The following FHIT variants were observed in gnomAD, a reference collection of about 807,000 sequenced individuals.
The protein encoded by FHIT is bis(5'-adenosyl)-triphosphatase.
Under a neutral mutation model 17.9 loss-of-function variants are expected in FHIT, and 19 were observed. The observed-to-expected ratio is 1.06, with a 90% confidence interval of 0.74 to 1.56. The LOEUF (loss-of-function observed/expected upper bound fraction) is 1.56, where lower values mean the gene tolerates loss of function less well. FHIT is among the 40% of genes most tolerant of loss of function. The pLI is 0.00. For missense variants in FHIT, 248 were observed against 189.2 expected (o/e 1.31, Z -1.82); for synonymous variants, 81 against 69.7 (o/e 1.16, Z -0.81).
At chr3:61,031,800 C>T (rs367817278) in intron 3 of FHIT, among the ~76,000 whole-genome samples, 1 of 151,956 alleles carries the variant, frequency 6.6e-6, no homozygotes, top group Non-Finnish European at 1.5e-5. Flanking sequence ...AACAGGCAAC[C>T]CTAAAATGAC....
At chr3:60,126,175 T>C (rs1335440460) in intron 5 of FHIT, among the ~76,000 whole-genome samples, 2 of 152,146 alleles carry the variant, frequency 1.3e-5, no homozygotes, top group Non-Finnish European at 2.9e-5. Context: ...AGTACTCTGT[T>C]TTCCCAAACA....
chr3:60,345,808 C>A (rs1710746653), intron 5 of FHIT, among the ~76,000 whole-genome samples: 1 of 152,126 alleles, frequency 6.6e-6, no homozygotes, highest in African/African-American at 2.4e-5. Context: ...TTTTTGAAAA[C>A]TATGACATGC....
chr3:61,097,268 C>T (rs1397186546), intron 2 of FHIT, among the ~76,000 whole-genome samples: 1 of 151,956 alleles, frequency 6.6e-6, no homozygotes, highest in Non-Finnish European at 1.5e-5. Flanking sequence ...GTCCACTGAG[C>T]GAGAGCCGAA....
At chr3:60,960,886 T>G (rs1377170528) in intron 3 of FHIT, among the ~76,000 whole-genome samples, 1 of 152,230 alleles carries the variant, frequency 6.6e-6, no homozygotes, top group African/African-American at 2.4e-5. Context: ...AGTGCCACAA[T>G]AAACACACGT....
At position 60,895,029 on chromosome 3, in the gene FHIT, C is replaced by T. The variant is rs114119528; in HGVS notation, c.-110-73018G>A. ...GTCCATATTTACTTTTCTTCAATCC[C>T]GAGTGTCCTGTATGGCCACTTTCCT... On this transcript the variant is annotated intron_variant, in intron 3 of 9. Transcript: ENST00000492590. 1.0e-3 allele frequency among the ~76,000 whole-genome samples: 156 copies of T among 152,252 alleles called. 1 individual carries two copies. The highest frequency in any genetic ancestry group is 3.7e-3 in the African/African-American group (152 of 41,546).
intron 5 of FHIT, among the ~76,000 whole-genome samples, chr3:60,090,811 T>C (rs1703699917): frequency 6.6e-6 from 1 of 152,170 alleles, no homozygotes; most frequent in African/African-American, 2.4e-5. Flanking sequence ...TACTACTTCT[T>C]AGAAGCAAAG....
intron 7 of FHIT, among the ~76,000 whole-genome samples, chr3:59,941,609 G>A (rs1405652924): frequency 6.6e-6 from 1 of 152,122 alleles, no homozygotes; most frequent in African/African-American, 2.4e-5. Context: ...GTGGGTCTGT[G>A]TAATCTTTGC....
chr3:60,243,344 AC>A (rs1412956301), intron 5 of FHIT, among the ~76,000 whole-genome samples: 1 of 152,134 alleles, frequency 6.6e-6, no homozygotes, highest in African/African-American at 2.4e-5. Flanking sequence ...AGTGGGGCAA[AC>A]AAAGAAACAA....
intron 5 of FHIT, among the ~76,000 whole-genome samples, chr3:60,182,662 A>G (rs1559706343): frequency 1.3e-5 from 2 of 152,210 alleles, no homozygotes; most frequent in South Asian, 4.1e-4. Flanking sequence ...ACAAACCTGT[A>G]GTCCCAGCTA....
chr3:59,887,508 C>T (rs1703677771), intron 8 of FHIT, among the ~76,000 whole-genome samples: 1 of 152,142 alleles, frequency 6.6e-6, no homozygotes, highest in African/African-American at 2.4e-5. Context: ...TCATGCCATC[C>T]TATTATAATA....
At chr3:60,995,808 T>C (rs2030631375) in intron 3 of FHIT, among the ~76,000 whole-genome samples, 1 of 152,178 alleles carries the variant, frequency 6.6e-6, no homozygotes, top group Non-Finnish European at 1.5e-5. Context: ...AAGAACTGTC[T>C]GGAAAAAGGA....
chr3:60,318,840 C>G (rs78024072), intron 5 of FHIT, among the ~76,000 whole-genome samples: 2 of 152,312 alleles, frequency 1.3e-5, no homozygotes, highest in African/African-American at 4.8e-5. Context: ...GAGCTAAAGT[C>G]AAGTTGTTGG....
intron 2 of FHIT, among the ~76,000 whole-genome samples, chr3:61,047,301 A>G (rs896110636): frequency 4.6e-5 from 7 of 152,244 alleles, no homozygotes; most frequent in Admixed American, 4.6e-4. Context: ...TACAAAATCA[A>G]TGTGCAAAAA....
chr3:60,306,313 A>G (rs1302618088), intron 5 of FHIT, among the ~76,000 whole-genome samples: 8 of 152,174 alleles, frequency 5.3e-5, no homozygotes, highest in Non-Finnish European at 1.2e-4. Context: ...CCCTAAGTCA[A>G]TACATCCCGC....
At chr3:60,150,488 G>T (rs773301828) in intron 5 of FHIT, among the ~76,000 whole-genome samples, 28 of 152,254 alleles carry the variant, frequency 1.8e-4, no homozygotes, top group Middle Eastern at 6.8e-3. Flanking sequence ...TGATACTTAT[G>T]ATTATTATTT....
intron 5 of FHIT, among the ~76,000 whole-genome samples, chr3:60,525,895 G>C (rs1417309909): frequency 1.3e-5 from 2 of 152,008 alleles, no homozygotes; most frequent in Admixed American, 6.6e-5. Context: ...TTGAGCTCAG[G>C]AGTTTGAGAT....
chr3:60,178,564 C>T (rs549971396), intron 5 of FHIT, among the ~76,000 whole-genome samples: 4 of 151,836 alleles, frequency 2.6e-5, no homozygotes, highest in Non-Finnish European at 4.4e-5. Flanking sequence ...CCAGCCTGGA[C>T]GACACAGCAA....
At chr3:59,975,810 G>A (rs212034) in intron 7 of FHIT, among the ~76,000 whole-genome samples, 24,881 of 151,938 alleles carry the variant, frequency 0.16, 2,260 homozygotes, top group East Asian at 0.37. Context: ...AACTGGCAAC[G>A]AACTGTAGTA....
At chr3:60,353,021 A>C (rs927893544) in intron 5 of FHIT, among the ~76,000 whole-genome samples, 17 of 152,180 alleles carry the variant, frequency 1.1e-4, no homozygotes, top group African/African-American at 4.1e-4. Flanking sequence ...TCAGTTGATC[A>C]ATTGATTTGT....
Sources: gnomAD v4.1 joint callset for allele counts (sites outside exome capture counted in the v4.1 genomes callset) on GRCh38, gnomAD v4.1.1 for gene constraint, MANE v1.5 for transcripts, NCBI Gene and HGNC (gene_info 2026-07-23, HGNC 2026-07-21) for gene names.